The following KPNA1 variants were observed in gnomAD, a reference collection of about 807,000 sequenced individuals.
The protein encoded by KPNA1 is importin subunit alpha-5.
In KPNA1, 10 loss-of-function variants were observed where a neutral mutation model predicts 70.5. That is an observed-to-expected ratio of 0.14 (90% CI 0.09 to 0.24). The LOEUF is 0.24. Among genes scored for constraint, KPNA1 ranks in the 10% least tolerant of loss-of-function variants. The pLI is 1.00. For synonymous variants in KPNA1, 192 were observed against 221.9 expected (o/e 0.87, Z 1.20); for missense variants, 397 against 637.9 (o/e 0.62, Z 4.07).
At chr3:122,480,579 T>G (rs7609972) in intron 2 of KPNA1, among the ~76,000 whole-genome samples, 23,035 of 151,674 alleles carry the variant, frequency 0.15, 1,840 homozygotes, top group East Asian at 0.33. Context: ...AGAAGGAAAC[T>G]AACACCAGAT....
intron 1 of KPNA1, among the ~76,000 whole-genome samples, chr3:122,504,074 G>C (rs1052781782): frequency 6.6e-6 from 1 of 152,180 alleles, no homozygotes; most frequent in African/African-American, 2.4e-5. Flanking sequence ...ACAACACTAA[G>C]AATGAACCAT....
intron 12 of KPNA1, chr3:122,433,163 ACTT>A (rs1263683202): frequency 6.6e-6 from 1 of 152,432 alleles, no homozygotes; most frequent in East Asian, 1.9e-4. Context: ...ATACCATAGT[ACTT>A]TAGAAGATAC....
At chr3:122,437,076 A>G (rs2075999445) in intron 11 of KPNA1, 94 bp downstream of exon 11, 1 of 1,331,000 alleles carries the variant, frequency 7.5e-7, no homozygotes, top group East Asian at 2.4e-5. Context: ...CACCGCACCC[A>G]GCCAAAAACA....
chr3:122,488,649 C>T (rs937576932), intron 2 of KPNA1, among the ~76,000 whole-genome samples: 1 of 152,198 alleles, frequency 6.6e-6, no homozygotes, highest in Non-Finnish European at 1.5e-5. Flanking sequence ...CTCAGTGCAA[C>T]GTCTGGGGGT....
chr3:122,439,356 TA>T (rs908655292), intron 10 of KPNA1, among the ~76,000 whole-genome samples: 25 of 151,444 alleles, frequency 1.7e-4, no homozygotes, highest in African/African-American at 5.8e-4. Flanking sequence ...CTCAGCTAAT[TA>T]AAAAAAAATG....
In KPNA1 at chr3:122,480,726, C is replaced by A. The variant is rs79606621; in HGVS notation, c.130-13297G>T. On this transcript the variant is annotated intron_variant, in intron 2 of 13. Transcript: ENST00000344337. ...TTGAGGCCAGGCACAGTGCCTCACACCTGCAACCCTAGTGCTTTGGGAGGC... is the reference window on the plus strand; with the variant it reads ...TTGAGGCCAGGCACAGTGCCTCACAACTGCAACCCTAGTGCTTTGGGAGGC... Among the ~76,000 whole-genome samples the A allele has an allele frequency of 2.2e-3, 335 of 152,212 alleles. 2 individuals are homozygous for A. The highest frequency in any genetic ancestry group is 7.9e-3 in the African/African-American group (326 of 41,516).
chr3:122,457,659 C>T (rs908450651), intron 5 of KPNA1: 1 of 1,225,426 alleles, frequency 8.2e-7, no homozygotes, highest in Non-Finnish European at 1.0e-6. Context: ...CTTTCTTAGT[C>T]TCTACCTTCT....
chr3:122,496,199 T>C (rs1330072165), intron 2 of KPNA1, among the ~76,000 whole-genome samples: 1 of 152,088 alleles, frequency 6.6e-6, no homozygotes, highest in African/African-American at 2.4e-5. Context: ...AAATATTGAA[T>C]AGTGTAGTTA....
chr3:122,476,080 T>C (rs1035708464), intron 2 of KPNA1, among the ~76,000 whole-genome samples: 3 of 152,140 alleles, frequency 2.0e-5, no homozygotes, highest in African/African-American at 7.2e-5. Context: ...GGTCTTGGCA[T>C]GAAAACGAAC....
At chr3:122,485,743 ATAATAATGTAT>A (rs1241511775) in intron 2 of KPNA1, among the ~76,000 whole-genome samples, 4 of 152,234 alleles carry the variant, frequency 2.6e-5, no homozygotes, top group Admixed American at 2.6e-4. Flanking sequence ...ACTACAGTTA[ATAATAATGTAT>A]TACATAAGTC....
intron 1 of KPNA1, among the ~76,000 whole-genome samples, chr3:122,504,501 C>A (rs2107506869): frequency 6.6e-6 from 1 of 152,272 alleles, no homozygotes; most frequent in Non-Finnish European, 1.5e-5. Context: ...TTACTTGTAA[C>A]AAATGAGCCA....
At chr3:122,468,164 T>A (rs2076402317) in intron 2 of KPNA1, among the ~76,000 whole-genome samples, 1 of 152,100 alleles carries the variant, frequency 6.6e-6, no homozygotes, top group Admixed American at 6.6e-5. Flanking sequence ...TAGTGATATC[T>A]CAGAAAGAAA....
At chr3:122,507,440 C>CA (rs11406672) in intron 1 of KPNA1, among the ~76,000 whole-genome samples, 37,197 of 113,046 alleles carry the variant, frequency 0.33, 5,536 homozygotes, top group East Asian at 0.46. Flanking sequence ...GACTCCATCT[C>CA]AAAAAAAAAA....
chr3:122,469,239 G>A (rs2076415095), intron 2 of KPNA1, among the ~76,000 whole-genome samples: 1 of 151,572 alleles, frequency 6.6e-6, no homozygotes, highest in Non-Finnish European at 1.5e-5. Flanking sequence ...GCCTTTCCTG[G>A]GCCTTAAAGC....
chr3:122,508,689 A>T (rs759400013), intron 1 of KPNA1, among the ~76,000 whole-genome samples: 2 of 152,072 alleles, frequency 1.3e-5, no homozygotes. Context: ...AAACAAACCT[A>T]TGAGTATATG....
intron 1 of KPNA1, among the ~76,000 whole-genome samples, chr3:122,510,471 TAA>T (rs1468716587): frequency 6.6e-6 from 1 of 152,146 alleles, no homozygotes; most frequent in Non-Finnish European, 1.5e-5. Flanking sequence ...AAAAATTTAT[TAA>T]GAGAAGAAAT....
At chr3:122,485,938 A>G (rs1222661641) in intron 2 of KPNA1, among the ~76,000 whole-genome samples, 3 of 152,248 alleles carry the variant, frequency 2.0e-5, no homozygotes, top group African/African-American at 7.2e-5. Flanking sequence ...GAGTACTTCT[A>G]CATACTCCTC....
At chr3:122,500,483 T>TC (rs1426120684) in intron 1 of KPNA1, among the ~76,000 whole-genome samples, 3 of 151,554 alleles carry the variant, frequency 2.0e-5, no homozygotes, top group Admixed American at 6.6e-5. Context: ...TAGTAATGTC[T>TC]CCTCTTTCAT....
chr3:122,453,667 G>C (rs1000667913), intron 6 of KPNA1, among the ~76,000 whole-genome samples: 1 of 152,036 alleles, frequency 6.6e-6, no homozygotes. Flanking sequence ...CTCCCAAGTA[G>C]CTGGGATTAC....
Sources: allele counts gnomAD v4.1 joint callset (sites outside exome capture counted in the v4.1 genomes callset), GRCh38; gene constraint gnomAD v4.1.1; transcripts MANE v1.5; gene names NCBI Gene and HGNC (gene_info 2026-07-23, HGNC 2026-07-21).